The following FNBP4 variants were observed in gnomAD, a reference collection of about 807,000 sequenced individuals.
FNBP4 encodes formin binding protein 4, also known as formin-binding protein 4.
FNBP4 carries 34 observed loss-of-function variants against 119.3 expected under a neutral mutation model. That is an observed-to-expected ratio of 0.28 (90% CI 0.22 to 0.38). The LOEUF (loss-of-function observed/expected upper bound fraction) is 0.38, where lower values mean the gene tolerates loss of function less well. Ranked by LOEUF, FNBP4 falls within the 10% of genes least tolerant of loss-of-function variation. The pLI is 1.00. For synonymous variants in FNBP4, 462 were observed against 430.6 expected, an observed-to-expected ratio of 1.07 and a Z score of -0.90; for missense variants, 1,112 against 1,228.9, an observed-to-expected ratio of 0.90 and a Z score of 1.42.
chr11:47,741,677 G>A (rs1430337464), intron 8 of FNBP4, among the ~76,000 whole-genome samples: 2 of 147,134 alleles, frequency 1.4e-5, no homozygotes, highest in Non-Finnish European at 3.0e-5. Context: ...TTAGTCAGGC[G>A]CAGTGGCAGG....
At chr11:47,730,717 T>G (rs2097566400) in intron 12 of FNBP4, among the ~76,000 whole-genome samples, 1 of 152,226 alleles carries the variant, frequency 6.6e-6, no homozygotes, top group South Asian at 2.1e-4. Context: ...GGAAACTTTT[T>G]AAAAACTAAA....
chr11:47,738,262 C>T (rs2097576907), intron 8 of FNBP4, among the ~76,000 whole-genome samples: 1 of 152,160 alleles, frequency 6.6e-6, no homozygotes, highest in Admixed American at 6.6e-5. Context: ...GTCTGAATGA[C>T]TGCCAGTTAA....
chr11:47,720,353 G>A (rs986951665), intron 15 of FNBP4, among the ~76,000 whole-genome samples: 5 of 152,012 alleles, frequency 3.3e-5, no homozygotes, highest in African/African-American at 1.2e-4. Flanking sequence ...CGGATCACAA[G>A]GTCAGGAGAT....
chr11:47,729,126 A>T (rs1259459522), intron 12 of FNBP4: 2 of 978,252 alleles, frequency 2.0e-6, no homozygotes, highest in African/African-American at 1.8e-5. Flanking sequence ...TATTGGGATT[A>T]CAGGCATGAG....
At chr11:47,728,374 C>T (rs552107973) in intron 12 of FNBP4, among the ~76,000 whole-genome samples, 373 of 151,730 alleles carry the variant, frequency 2.5e-3, no homozygotes, top group Middle Eastern at 0.014. Context: ...CTCAGCCTCC[C>T]GAGTAGCTGG....
chr11:47,723,941 T>C (rs2097558365), intron 14 of FNBP4, 87 bp downstream of exon 14: 1 of 1,265,598 alleles, frequency 7.9e-7, no homozygotes. Context: ...CAAGAGCCTT[T>C]AACATTTCTT....
chr11:47,736,539 G>A, intron 9 of FNBP4, 77 bp downstream of exon 9: 1 of 1,231,846 alleles, frequency 8.1e-7, no homozygotes, highest in Non-Finnish European at 1.1e-6. Flanking sequence ...CAGCCTGGGT[G>A]ACAGAGCAAG....
Position 47,751,052 on chromosome 11 carries a change from C to T in FNBP4, c.786-16G>A, listed in dbSNP as rs2063731154. On this transcript the variant is annotated splice_polypyrimidine_tract_variant and intron_variant, in intron 5 of 16. Coordinates refer to ENST00000263773, the MANE Select transcript of FNBP4 (RefSeq NM_015308.5). ...TGGCACAGAACTAAAAAAATATATA[C>T]TTAGCAAGAGAAATATAAGACAAAT... 1.9e-6 allele frequency: 3 copies of T among 1,612,542 alleles called. No homozygotes were observed. Among genetic ancestry groups the T allele is most frequent in the South Asian group, 1.1e-5 (1 of 90,864 alleles).
intron 8 of FNBP4, among the ~76,000 whole-genome samples, chr11:47,741,189 A>C (rs1200040864): frequency 6.6e-6 from 1 of 151,280 alleles, no homozygotes; most frequent in Non-Finnish European, 1.5e-5. Context: ...TTTTCTTTTG[A>C]GGCAGGGTCT....
chr11:47,759,342 G>A (rs2097627719), intron 2 of FNBP4, among the ~76,000 whole-genome samples: 1 of 151,318 alleles, frequency 6.6e-6, no homozygotes, highest in Non-Finnish European at 1.5e-5. Flanking sequence ...CTCCCAAGTA[G>A]CTGGGATTAT....
At chr11:47,726,976 C>T (rs1381526802) in intron 12 of FNBP4, 1 of 152,324 alleles carries the variant, frequency 6.6e-6, no homozygotes, top group Non-Finnish European at 1.5e-5. Context: ...GTAAACACCA[C>T]TGCACTCGGA....
intron 8 of FNBP4, among the ~76,000 whole-genome samples, chr11:47,742,015 C>T (rs758710895): frequency 1.7e-4 from 26 of 152,104 alleles, no homozygotes; most frequent in Middle Eastern, 3.4e-3. Flanking sequence ...AACCAATGAA[C>T]AATAATTTTT....
Position 47,720,055 on chromosome 11 carries a change from A to T in FNBP4, c.2837T>A (p.Leu946Ter). 6.2e-7 allele frequency: 1 copy of T among 1,614,008 alleles called. No individual in the cohort carries two copies. Among genetic ancestry groups the T allele is most frequent in the Admixed American group, 1.7e-5 (1 of 60,000 alleles). ...AKKSKTKMPS[L>*]VKKWQSIQRE... Reference sequence around the variant, plus strand: ...CTGGATACTCTGCCACTTTTTTACCAAAGATGGCATTTTGGTCTTACTCTT... The same window carrying T: ...CTGGATACTCTGCCACTTTTTTACCTAAGATGGCATTTTGGTCTTACTCTT... Residue 946 changes from leucine (L) to a stop codon, truncating the protein, a stop_gained, in exon 16 of 17, where the codon TTG becomes TAG. Transcript: ENST00000263773. LOFTEE classifies it high-confidence loss of function.
intron 16 of FNBP4, among the ~76,000 whole-genome samples, chr11:47,718,073 T>C (rs541069621): frequency 2.6e-5 from 4 of 151,912 alleles, no homozygotes; most frequent in African/African-American, 9.7e-5. Flanking sequence ...TTTATATAAA[T>C]ATACCTCCAA....
intron 6 of FNBP4, among the ~76,000 whole-genome samples, chr11:47,748,403 A>G (rs1001881125): frequency 2.0e-5 from 3 of 151,676 alleles, no homozygotes; most frequent in Admixed American, 6.6e-5. Flanking sequence ...TATTATTATT[A>G]TTTCTGGATG....
At chr11:47,731,677 ACTG>A in intron 11 of FNBP4, 116 bp from the exon 12 acceptor site, 1 of 1,452,156 alleles carries the variant, frequency 6.9e-7, no homozygotes, top group African/African-American at 1.4e-5. Context: ...CTCTTAATGG[ACTG>A]CTATTCACAA....
rs535615443 is a variant in FNBP4 at position 47,740,728 on chromosome 11, G to C, written c.1456+3225C>G. On this transcript the variant is annotated intron_variant, in intron 8 of 16. Transcript: ENST00000263773. ...CTGCCTCAGTCTCCCAAGTAGCTGG[G>C]ATTACAGGCGAGCACCACCAGGTGC... 7.9e-5 allele frequency among the ~76,000 whole-genome samples: 12 copies of C among 151,632 alleles called. No individual in the cohort carries two copies. In the South Asian group the frequency reaches 1.9e-3, roughly 24 times the overall value.
chr11:47,718,151 T>TA (rs762289539), intron 16 of FNBP4, among the ~76,000 whole-genome samples: 6 of 152,108 alleles, frequency 3.9e-5, no homozygotes, highest in Non-Finnish European at 8.8e-5. Flanking sequence ...CCACAGGAGT[T>TA]ATGATTCTTC....
intron 4 of FNBP4, among the ~76,000 whole-genome samples, chr11:47,752,517 AC>A: frequency 6.6e-6 from 1 of 152,080 alleles, no homozygotes; most frequent in East Asian, 1.9e-4. Flanking sequence ...TCTTTAGAAA[AC>A]TGAATGCCAG....
Sources: allele counts gnomAD v4.1 joint callset (sites outside exome capture counted in the v4.1 genomes callset), GRCh38; gene constraint gnomAD v4.1.1; transcripts MANE v1.5; gene names NCBI Gene and HGNC (gene_info 2026-07-23, HGNC 2026-07-21).